Variants in RGPD8 observed in about 807,000 individuals in gnomAD.
RGPD8 encodes the protein RANBP2 like and GRIP domain containing 8.
Under a neutral mutation model 89.1 loss-of-function variants are expected in RGPD8, and 15 were observed. The observed-to-expected ratio is 0.17, with a 90% CI of 0.11 to 0.26. RGPD8 has a LOEUF of 0.26. RGPD8 is among the 10% of genes least tolerant of loss of function. RGPD8 has a pLI of 1.00. For synonymous variants in RGPD8, 62 were observed against 420.9 expected (o/e 0.15, Z 10.44); for missense variants, 178 against 1,179.6 (o/e 0.15, Z 12.44).
At chr2:112,370,386 T>A (rs1677928508) in intron 22 of RGPD8, among the ~76,000 whole-genome samples, 174 bp from the exon 23 acceptor site, 1 of 144,808 alleles carries the variant, frequency 6.9e-6, no homozygotes, top group South Asian at 2.2e-4. Context: ...TTTTTTTTTT[T>A]TTTTGAGATA....
chr2:112,376,842 G>T (rs1338048333), intron 22 of RGPD8, among the ~76,000 whole-genome samples: 1 of 138,926 alleles, frequency 7.2e-6, no homozygotes, highest in Non-Finnish European at 1.6e-5. Flanking sequence ...AAAGCTTAAG[G>T]AATATCAACC....
chr2:112,390,826 T>A, intron 19 of RGPD8, 149 bp downstream of exon 19: 2 of 928,024 alleles, frequency 2.2e-6, no homozygotes, highest in Non-Finnish European at 3.0e-6. Context: ...AGAAGGATAA[T>A]TTCTGTATTT....
At chr2:112,373,544 G>A (rs1321518690) in intron 22 of RGPD8, among the ~76,000 whole-genome samples, 1 of 152,154 alleles carries the variant, frequency 6.6e-6, no homozygotes, top group Non-Finnish European at 1.5e-5. Context: ...TAGAGCTGAT[G>A]ATACAGTCAG....
intron 3 of RGPD8, 44 bp downstream of exon 3, chr2:112,422,504 T>C (rs1679598067): frequency 1.9e-6 from 3 of 1,601,250 alleles, no homozygotes; most frequent in Middle Eastern, 2.3e-4. Flanking sequence ...CTGGGCATCA[T>C]GTGTTTGGCT....
intron 22 of RGPD8, among the ~76,000 whole-genome samples, chr2:112,373,108 C>A (rs1678005184): frequency 6.6e-6 from 1 of 150,810 alleles, no homozygotes; most frequent in South Asian, 2.1e-4. Context: ...ATATGGCTAA[C>A]TTATTTGGGG....
chr2:112,370,520 T>C (rs1193247771), intron 22 of RGPD8, among the ~76,000 whole-genome samples: 1 of 125,976 alleles, frequency 7.9e-6, no homozygotes, highest in Non-Finnish European at 1.7e-5. Flanking sequence ...CCACAAGGTG[T>C]GTACCACCAT....
intron 20 of RGPD8, among the ~76,000 whole-genome samples, chr2:112,381,894 T>C (rs1678314136): frequency 6.6e-6 from 1 of 152,308 alleles, no homozygotes; most frequent in Admixed American, 6.5e-5. Flanking sequence ...TGATGGTTAA[T>C]ACTGGGTGTC....
At chr2:112,432,530 C>A in intron 1 of RGPD8, 1 of 985,380 alleles carries the variant, frequency 1.0e-6, no homozygotes, top group Non-Finnish European at 1.2e-6. Context: ...AGATGCCTAC[C>A]TTGTCACTCG....
intron 6 of RGPD8, among the ~76,000 whole-genome samples, chr2:112,416,057 T>C (rs1194157575): frequency 7.6e-6 from 1 of 132,014 alleles, no homozygotes; most frequent in African/African-American, 2.9e-5. Context: ...GCCACTGCAC[T>C]CCAGCCTGGT....
intron 1 of RGPD8, among the ~76,000 whole-genome samples, chr2:112,431,884 C>A (rs185207836): frequency 1.3e-3 from 191 of 152,344 alleles, no homozygotes; most frequent in Non-Finnish European, 2.3e-3. Context: ...AGGCAATCCG[C>A]CCTCCTCGGC....
intron 1 of RGPD8, among the ~76,000 whole-genome samples, chr2:112,430,871 G>A (rs961789429): frequency 6.6e-6 from 1 of 152,082 alleles, no homozygotes; most frequent in African/African-American, 2.4e-5. Context: ...GTGGGAGGAC[G>A]GATTGAGCCC....
chr2:112,411,610 C>T (rs543209986), intron 7 of RGPD8, among the ~76,000 whole-genome samples: 6 of 71,744 alleles, frequency 8.4e-5, no homozygotes, highest in Non-Finnish European at 1.4e-4. Flanking sequence ...AAGCCAGGCG[C>T]GCCAGGCGCA....
chr2:112,417,180 A>G lies in RGPD8; in HGVS notation c.782+13T>C. The G allele has an allele frequency of 6.2e-7, 1 of 1,608,760 alleles. No homozygotes were observed. Among genetic ancestry groups the G allele is most frequent in the South Asian group, 1.1e-5 (1 of 90,968 alleles). On this transcript the variant is annotated intron_variant, in intron 6 of 22. Transcript: ENST00000302558. ...CAATTTATACTAAAGCATTCTCCTC[A>G]AAGTCTACGCACCTTTCCAGTAATT... is the stretch of plus-strand genomic sequence containing the variant.
At chr2:112,408,806 G>A (rs1402035970) in intron 7 of RGPD8, among the ~76,000 whole-genome samples, 1 of 151,786 alleles carries the variant, frequency 6.6e-6, no homozygotes, top group Non-Finnish European at 1.5e-5. Flanking sequence ...CAAGTAGCTG[G>A]GACTACAGGC....
chr2:112,370,345 T>TGGA (rs1677917784), intron 22 of RGPD8, 133 bp from the exon 23 acceptor site: 2 of 253,962 alleles, frequency 7.9e-6, no homozygotes, highest in African/African-American at 5.8e-5. Flanking sequence ...ATGCCTTTTT[T>TGGA]GGTGGGGGGG....
rs770937856 is a variant in RGPD8, at chr2:112,370,213, C to A, written c.5264-1G>T. ...GAACGGGAAGGATTTTCTTCCTCAT[C>A]TTTAGAAAGTAAAACAAAGAAAAAA... On this transcript the variant is annotated splice_acceptor_variant, in intron 22 of 22. Coordinates refer to ENST00000302558, the MANE Select transcript of RGPD8 (RefSeq NM_001164463.1). LOFTEE classifies it high-confidence loss of function. The A allele has an allele frequency of 3.6e-5, 55 of 1,531,622 alleles. 4 individuals carry two copies. The South Asian group carries it at 5.8e-4, about 16-fold the overall frequency. 94.9% of individuals were successfully genotyped at this position (1,531,622 alleles called of 1,614,324 possible).
intron 2 of RGPD8, among the ~76,000 whole-genome samples, 165 bp downstream of exon 2, chr2:112,424,075 A>G (rs1574021679): frequency 1.3e-5 from 2 of 152,224 alleles, no homozygotes; most frequent in Non-Finnish European, 1.5e-5. Flanking sequence ...TTCAATCTCA[A>G]TGGAATCTAG....
intron 1 of RGPD8, among the ~76,000 whole-genome samples, chr2:112,432,034 C>T (rs1285009997): frequency 6.6e-6 from 1 of 152,158 alleles, no homozygotes; most frequent in Non-Finnish European, 1.5e-5. Flanking sequence ...ATGGATCATC[C>T]TATCAAATTC....
chr2:112,410,270 AGAGT>A (rs1280405507), intron 7 of RGPD8, among the ~76,000 whole-genome samples: 1 of 145,652 alleles, frequency 6.9e-6, no homozygotes, highest in Non-Finnish European at 1.5e-5. Flanking sequence ...CCTGGGTGAC[AGAGT>A]GAGACTCCAT....
Sources: gnomAD v4.1 joint callset for allele counts (sites outside exome capture counted in the v4.1 genomes callset) on GRCh38, gnomAD v4.1.1 for gene constraint, MANE v1.5 for transcripts, NCBI Gene and HGNC (gene_info 2026-07-23, HGNC 2026-07-21) for gene names.